LINGO1: variants seen among roughly 807,000 people sequenced by gnomAD.
LINGO1 encodes leucine rich repeat and Ig domain containing 1.
LINGO1 carries 11 observed loss-of-function variants against 37.3 expected under a neutral mutation model. That is an observed-to-expected ratio of 0.29 (90% CI 0.19 to 0.49). LINGO1 has a LOEUF of 0.49. Ranked by LOEUF, LINGO1 falls within the 20% of genes least tolerant of loss-of-function variation. LINGO1 has a pLI of 0.99. For missense variants in LINGO1, 585 were observed against 878.2 expected, an observed-to-expected ratio of 0.67 and a Z score of 4.22; for synonymous variants, 387 against 403.0, an observed-to-expected ratio of 0.96 and a Z score of 0.48.
chr15:77,691,827 C>A (rs1010393084), intron 1 of LINGO1, among the ~76,000 whole-genome samples: 3 of 151,952 alleles, frequency 2.0e-5, no homozygotes, highest in Non-Finnish European at 4.4e-5. Flanking sequence ...GTTTTCGTGA[C>A]AATAACGAGG....
chr15:77,794,369 CATACGTATATGTATAT>C (rs2076846204), intron 2 of LINGO1, among the ~76,000 whole-genome samples: 1 of 63,676 alleles, frequency 1.6e-5, no homozygotes, highest in African/African-American at 5.9e-5. Flanking sequence ...TGTGTATATA[CATACGTATATGTATAT>C]ACATACATAT....
At chr15:77,701,099 A>G (rs1219409989), upstream of LINGO1, among the ~76,000 whole-genome samples, 1 of 152,204 alleles carries the variant, frequency 6.6e-6, no homozygotes, top group East Asian at 1.9e-4. Flanking sequence ...TCTGAGGCAT[A>G]TGTCCCTTGC....
intron 1 of LINGO1, among the ~76,000 whole-genome samples, chr15:77,804,412 T>C (rs1303214905): frequency 6.6e-6 from 1 of 152,046 alleles, no homozygotes; most frequent in Non-Finnish European, 1.5e-5. Flanking sequence ...TAGAAGTAGA[T>C]GGCCAGAGAG....
intron 2 of LINGO1, among the ~76,000 whole-genome samples, chr15:77,719,756 A>G (rs917861942): frequency 6.9e-6 from 1 of 144,162 alleles, no homozygotes; most frequent in Non-Finnish European, 1.6e-5. Context: ...TCACACACTC[A>G]CATTCACACA....
intron 2 of LINGO1, among the ~76,000 whole-genome samples, chr15:77,717,070 C>A (rs759698465): frequency 9.3e-6 from 1 of 107,106 alleles, no homozygotes; most frequent in African/African-American, 2.8e-5. Context: ...AAGCCTGAGC[C>A]GCGGGGTGCT....
chr15:77,681,483 T>C (rs1197164272), intron 2 of LINGO1, among the ~76,000 whole-genome samples: 2 of 152,150 alleles, frequency 1.3e-5, no homozygotes, highest in African/African-American at 4.8e-5. Flanking sequence ...AGGTTTCGAC[T>C]CTATGGTCTA....
chr15:77,703,521 G>A (rs75300449), intron 2 of LINGO1, among the ~76,000 whole-genome samples: 23,316 of 152,102 alleles, frequency 0.15, 2,135 homozygotes, highest in Admixed American at 0.3. Flanking sequence ...GCAACATAAG[G>A]TGTCCAGGCC....
intron 1 of LINGO1, among the ~76,000 whole-genome samples, chr15:77,745,193 G>A (rs866515039): frequency 2.0e-5 from 3 of 151,230 alleles, no homozygotes; most frequent in African/African-American, 4.9e-5. Context: ...TTTGGAAGGC[G>A]AGGCAGGCGG....
chr15:77,666,584 A>T (rs1201615612), intron 3 of LINGO1, among the ~76,000 whole-genome samples: 4 of 152,222 alleles, frequency 2.6e-5, no homozygotes, highest in Admixed American at 1.3e-4. Context: ...GTGATGGCTC[A>T]GTAGAAGAGC....
intron 3 of LINGO1, among the ~76,000 whole-genome samples, chr15:77,651,062 GA>G (rs1471140685): frequency 2.0e-5 from 3 of 152,110 alleles, no homozygotes; most frequent in South Asian, 2.1e-4. Flanking sequence ...ATCCTGACGG[GA>G]AAAAAAGTAG....
intron 2 of LINGO1, among the ~76,000 whole-genome samples, chr15:77,681,278 G>A (rs2075409228): frequency 6.6e-6 from 1 of 151,944 alleles, no homozygotes; most frequent in African/African-American, 2.4e-5. Context: ...GCAGGCTGAG[G>A]TTTTCATCCT....
intron 1 of LINGO1, among the ~76,000 whole-genome samples, chr15:77,619,703 A>AAATAC (rs1216511555): frequency 1.6e-5 from 1 of 62,764 alleles, no homozygotes; most frequent in Non-Finnish European, 3.0e-5. Flanking sequence ...AACAATAAAT[A>AAATAC]AATAAAATAA....
chr15:77,629,298 G>GTTCATTCA (rs57875651), intron 1 of LINGO1, among the ~76,000 whole-genome samples: 2,337 of 151,950 alleles, frequency 0.015, 72 homozygotes, highest in African/African-American at 0.054. Flanking sequence ...TCGCTTGTTC[G>GTTCATTCA]TTCATTCATT....
upstream of LINGO1, among the ~76,000 whole-genome samples, chr15:77,699,695 A>G (rs898290220): frequency 1.0e-4 from 4 of 39,638 alleles, no homozygotes; most frequent in Non-Finnish European, 1.0e-4. Context: ...CACAGTAAGC[A>G]CATACTAACC....
intron 2 of LINGO1, among the ~76,000 whole-genome samples, chr15:77,719,943 C>T (rs560767960): frequency 6.7e-6 from 1 of 150,310 alleles, no homozygotes; most frequent in South Asian, 2.2e-4. Flanking sequence ...CACTTGTGAC[C>T]TCTAACTTAG....
chr15:77,702,273 A>C (rs1054246546), intron 2 of LINGO1, among the ~76,000 whole-genome samples: 1 of 152,088 alleles, frequency 6.6e-6, no homozygotes, highest in Non-Finnish European at 1.5e-5. Context: ...CTGCAACATG[A>C]AGTGTCCAGG....
chr15:77,701,146 C>G (rs765669203), upstream of LINGO1, among the ~76,000 whole-genome samples: 5 of 152,222 alleles, frequency 3.3e-5, no homozygotes, highest in Non-Finnish European at 5.9e-5. Context: ...GGGATGCACA[C>G]TTAGCACTGT....
At chr15:77,791,358 C>G (rs763568376), upstream of LINGO1, among the ~76,000 whole-genome samples, 1 of 148,268 alleles carries the variant, frequency 6.7e-6, no homozygotes, top group Admixed American at 6.8e-5. Context: ...GAAAGGCACA[C>G]GTGGACACGC....
chr15:77,799,597 G>A (rs1236490604), intron 1 of LINGO1, among the ~76,000 whole-genome samples: 2 of 152,154 alleles, frequency 1.3e-5, no homozygotes, highest in East Asian at 1.9e-4. Flanking sequence ...AGCCTCAGCA[G>A]CTCCCGCTTT....
Sources: allele counts gnomAD v4.1 joint callset (sites outside exome capture counted in the v4.1 genomes callset), GRCh38; gene constraint gnomAD v4.1.1; transcripts MANE v1.5; gene names NCBI Gene and HGNC (gene_info 2026-07-23, HGNC 2026-07-21).